Variants in CARMIL1 observed in about 807,000 individuals in gnomAD.
CARMIL1 encodes capping protein regulator and myosin 1 linker 1.
Under a neutral mutation model 177.1 loss-of-function variants are expected in CARMIL1, and 90 were observed. The ratio of observed to expected loss-of-function variants is 0.51; its 90% CI spans 0.43 to 0.61. The LOEUF is 0.61. Among genes scored for constraint, CARMIL1 ranks in the 20% least tolerant of loss-of-function variants. CARMIL1 has a pLI of 0.00. For synonymous variants in CARMIL1, 577 were observed against 606.2 expected, an observed-to-expected ratio of 0.95 and a Z score of 0.71; for missense variants, 1,380 against 1,667.0, an observed-to-expected ratio of 0.83 and a Z score of 3.00.
intron 31 of CARMIL1, among the ~76,000 whole-genome samples, chr6:25,590,083 C>T (rs17492120): frequency 0.079 from 11,957 of 152,252 alleles, 616 homozygotes; most frequent in Non-Finnish European, 0.12. Context: ...CAGTTGGTCA[C>T]ATCAATACTC....
chr6:25,494,543 T>G (rs1426355847), intron 15 of CARMIL1, among the ~76,000 whole-genome samples: 1 of 152,228 alleles, frequency 6.6e-6, no homozygotes, highest in African/African-American at 2.4e-5. Flanking sequence ...ATTTTGTAGT[T>G]TTGTCTTTCA....
At chr6:25,390,308 A>ATT (rs1792629566) in intron 2 of CARMIL1, among the ~76,000 whole-genome samples, 1 of 48,510 alleles carries the variant, frequency 2.1e-5, no homozygotes, top group South Asian at 8.2e-4. Flanking sequence ...ATATATATAT[A>ATT]TATATATATA....
chr6:25,330,674 C>A (rs935508483), intron 2 of CARMIL1, among the ~76,000 whole-genome samples: 1 of 138,122 alleles, frequency 7.2e-6, no homozygotes, highest in Non-Finnish European at 1.6e-5. Context: ...ACGCACCCCC[C>A]CGCCCATCTC....
At chr6:25,469,624 GA>G (rs1282103563) in intron 9 of CARMIL1, among the ~76,000 whole-genome samples, 2 of 152,048 alleles carry the variant, frequency 1.3e-5, no homozygotes, top group East Asian at 3.9e-4. Flanking sequence ...GTGGTGCGAT[GA>G]CGGTTCAATG....
At chr6:25,388,280 C>A (rs907276486) in intron 2 of CARMIL1, 1 of 152,128 alleles carries the variant, frequency 6.6e-6, no homozygotes, top group African/African-American at 2.4e-5. Context: ...GTTAAAATAG[C>A]TACTATTAGG....
intron 2 of CARMIL1, among the ~76,000 whole-genome samples, chr6:25,291,854 A>G (rs1324333480): frequency 2.6e-5 from 4 of 152,208 alleles, no homozygotes; most frequent in African/African-American, 9.7e-5. Context: ...GTTAAGCAGT[A>G]CACATATCAC....
intron 29 of CARMIL1, among the ~76,000 whole-genome samples, chr6:25,574,581 A>G (rs1484815966): frequency 6.6e-6 from 1 of 152,256 alleles, no homozygotes; most frequent in African/African-American, 2.4e-5. Context: ...AGGCACTCTC[A>G]TGAGTTCAGT....
intron 2 of CARMIL1, among the ~76,000 whole-genome samples, chr6:25,312,040 C>G (rs1335459265): frequency 6.6e-6 from 1 of 152,178 alleles, no homozygotes; most frequent in Non-Finnish European, 1.5e-5. Context: ...AAAATATTGT[C>G]CTGTGCTCAT....
intron 2 of CARMIL1, among the ~76,000 whole-genome samples, chr6:25,317,812 G>A (rs1420314527): frequency 1.3e-5 from 2 of 151,846 alleles, no homozygotes; most frequent in Admixed American, 6.6e-5. Context: ...TCACCCGTCC[G>A]CATTATCCTC....
chr6:25,537,984 G>A lies in CARMIL1; in HGVS notation c.2196+1G>A. ...GCGTGATGCTAAGAACTCTAAAACG[G>A]TGAGTTTCACTTCAGGCTGTGTGAG... On this transcript the variant is annotated splice_donor_variant, in intron 25 of 36. Coordinates refer to ENST00000329474, the MANE Select transcript of CARMIL1 (RefSeq NM_017640.6). LOFTEE classifies it high-confidence loss of function. 1 of 1,598,164 alleles carries A rather than the reference G, an allele frequency of 6.3e-7. No homozygotes were observed. Among genetic ancestry groups the A allele is most frequent in the Non-Finnish European group, 8.5e-7 (1 of 1,172,520 alleles).
intron 31 of CARMIL1, among the ~76,000 whole-genome samples, chr6:25,590,772 A>C (rs1814215959): frequency 6.6e-6 from 1 of 152,072 alleles, no homozygotes; most frequent in African/African-American, 2.4e-5. Flanking sequence ...TGTTTATAGA[A>C]TTCGTTTAAG....
intron 15 of CARMIL1, among the ~76,000 whole-genome samples, chr6:25,494,493 G>T (rs919578734): frequency 2.0e-5 from 3 of 152,104 alleles, no homozygotes; most frequent in African/African-American, 7.2e-5. Flanking sequence ...ACTTTTCTCT[G>T]TAATAGCAAG....
At chr6:25,575,329 G>A (rs764930246) in intron 29 of CARMIL1, among the ~76,000 whole-genome samples, 4 of 152,106 alleles carry the variant, frequency 2.6e-5, no homozygotes, top group South Asian at 2.1e-4. Context: ...TTCCTTCTTC[G>A]TGGGAACATT....
chr6:25,438,645 TATCC>T (rs1356601308), intron 5 of CARMIL1, among the ~76,000 whole-genome samples: 2 of 152,248 alleles, frequency 1.3e-5, no homozygotes, highest in Non-Finnish European at 2.9e-5. Flanking sequence ...AACTGAAAGA[TATCC>T]ACTTTGGCTG....
In CARMIL1 at chr6:25,592,855, C is replaced by G. The variant is rs547471413; in HGVS notation, c.3007-1560C>G. Reference sequence around the variant, plus strand: ...TTGTCCTTGTATCCAACAGCATGGGCAAGATGCATGCTCTCTCTCAGTCAT... The same window carrying G: ...TTGTCCTTGTATCCAACAGCATGGGGAAGATGCATGCTCTCTCTCAGTCAT... On this transcript the variant is annotated intron_variant, in intron 31 of 36. Coordinates refer to ENST00000329474, the MANE Select transcript of CARMIL1 (RefSeq NM_017640.6). Among the ~76,000 whole-genome samples the G allele has an allele frequency of 1.2e-3, 188 of 152,280 alleles. 1 individual carries two copies. The highest frequency in any genetic ancestry group is 4.3e-3 in the African/African-American group (177 of 41,546).
chr6:25,317,585 G>C lies in CARMIL1; in HGVS notation c.138+32676G>C, dbSNP rs549728092. Reference sequence around the variant, plus strand: ...GACTTTTTTTTTTTTTTTTTTAATAGAGATGGGGGATCTCATCGTCACCCA... The same window carrying C: ...GACTTTTTTTTTTTTTTTTTTAATACAGATGGGGGATCTCATCGTCACCCA... On this transcript the variant is annotated intron_variant, in intron 2 of 36. Coordinates refer to ENST00000329474, the MANE Select transcript of CARMIL1 (RefSeq NM_017640.6). 6.3e-3 allele frequency among the ~76,000 whole-genome samples: 553 copies of C among 87,740 alleles called. 4 individuals are homozygous for C. Among genetic ancestry groups the C allele is most frequent in the Middle Eastern group, 0.03 (3 of 100 alleles). The allele number at this position is 87,740 out of a possible 152,430, so 57.6% of individuals were successfully genotyped here.
intron 4 of CARMIL1, among the ~76,000 whole-genome samples, chr6:25,428,301 C>T (rs893757556): frequency 3.3e-5 from 5 of 152,068 alleles, no homozygotes; most frequent in Admixed American, 2.0e-4. Context: ...TGTTTCCTCA[C>T]TGAGCTTGTT....
At chr6:25,602,534 TTTG>T (rs1313189040) in intron 33 of CARMIL1, among the ~76,000 whole-genome samples, 1 of 152,216 alleles carries the variant, frequency 6.6e-6, no homozygotes, top group Non-Finnish European at 1.5e-5. Flanking sequence ...TGGTTTTATA[TTTG>T]TTTAGGGCTT....
intron 29 of CARMIL1, chr6:25,563,620 T>C (rs145660277): frequency 4.1e-6 from 4 of 985,450 alleles, no homozygotes; most frequent in Non-Finnish European, 4.8e-6. Context: ...AAGCCATGCA[T>C]AGGCTAGATG....
Sources: allele counts gnomAD v4.1 joint callset (sites outside exome capture counted in the v4.1 genomes callset), GRCh38; gene constraint gnomAD v4.1.1; transcripts MANE v1.5; gene names NCBI Gene and HGNC (gene_info 2026-07-23, HGNC 2026-07-21).